AGMO: variants seen among roughly 807,000 people sequenced by gnomAD.
The protein encoded by AGMO is alkylglycerol monooxygenase.
AGMO carries 75 observed loss-of-function variants against 60.2 expected under a neutral mutation model. The ratio of observed to expected loss-of-function variants is 1.25; its 90% CI spans 1.03 to 1.51. The LOEUF is 1.51. AGMO is among the 40% of genes most tolerant of loss of function. AGMO has a pLI of 0.00. For synonymous variants in AGMO, 261 were observed against 177.1 expected, an observed-to-expected ratio of 1.47 and a Z score of -3.76; for missense variants, 763 against 525.5, an observed-to-expected ratio of 1.45 and a Z score of -4.42.
intron 12 of AGMO, among the ~76,000 whole-genome samples, chr7:15,253,500 C>A (rs1783002091): frequency 6.6e-6 from 1 of 151,984 alleles, no homozygotes; most frequent in Non-Finnish European, 1.5e-5. Flanking sequence ...GGTGCAGGGC[C>A]AGCTTGCATT....
chr7:15,430,064 A>G (rs1781183566), intron 4 of AGMO, among the ~76,000 whole-genome samples: 1 of 151,962 alleles, frequency 6.6e-6, no homozygotes, highest in South Asian at 2.1e-4. Flanking sequence ...ACTATTTTAA[A>G]ATAAGAGCAA....
intron 2 of AGMO, among the ~76,000 whole-genome samples, chr7:15,558,070 A>G (rs117455279): frequency 0.021 from 3,209 of 151,096 alleles, 62 homozygotes; most frequent in South Asian, 0.089. Flanking sequence ...TTGTAAAAAT[A>G]TCTCTTTTAT....
At chr7:15,149,394 C>T in the AGMO span, among the ~76,000 whole-genome samples, 48 of 152,204 alleles carry the variant, frequency 3.2e-4, no homozygotes, top group African/African-American at 1.1e-3. Flanking sequence ...CTTGCCAAGG[C>T]CTACATCCAC....
At chr7:15,355,635 G>C (rs1312277319) in intron 12 of AGMO, among the ~76,000 whole-genome samples, 1 of 151,940 alleles carries the variant, frequency 6.6e-6, no homozygotes, top group Non-Finnish European at 1.5e-5. Context: ...GAAACTGGTT[G>C]TTAGAGGAGG....
intron 5 of AGMO, chr7:15,396,482 G>C (rs1167133651): frequency 6.6e-6 from 1 of 152,210 alleles, no homozygotes; most frequent in Non-Finnish European, 1.5e-5. Context: ...TCATAAACGT[G>C]GCAGGGACCC....
At chr7:15,379,256 T>A (rs1453036932) in intron 10 of AGMO, among the ~76,000 whole-genome samples, 1 of 151,616 alleles carries the variant, frequency 6.6e-6, no homozygotes, top group African/African-American at 2.4e-5. Flanking sequence ...CACAAGACAA[T>A]AACCAAAATC....
chr7:15,152,490 A>G, the AGMO span, among the ~76,000 whole-genome samples: 1 of 151,578 alleles, frequency 6.6e-6, no homozygotes, highest in South Asian at 2.1e-4. Context: ...TTGTCTCTCA[A>G]CCCCCTCCCA....
At chr7:15,354,425 CACACGT>C (rs1202432778) in intron 12 of AGMO, among the ~76,000 whole-genome samples, 1,111 of 23,140 alleles carry the variant, frequency 0.048, 113 homozygotes, top group African/African-American at 0.16. Context: ...TGTGTATACA[CACACGT>C]GTGTGTATAC....
At chr7:15,465,115 ACT>A (rs1782245102) in intron 3 of AGMO, among the ~76,000 whole-genome samples, 1 of 151,830 alleles carries the variant, frequency 6.6e-6, no homozygotes, top group Non-Finnish European at 1.5e-5. Flanking sequence ...AAAAGTCTTT[ACT>A]CTGTGTGTTC....
chr7:15,364,729 T>A (rs1355381482), intron 12 of AGMO, among the ~76,000 whole-genome samples: 1 of 152,074 alleles, frequency 6.6e-6, no homozygotes, highest in Admixed American at 6.6e-5. Context: ...CAATTCATAA[T>A]CAATATTAAA....
intron 12 of AGMO, among the ~76,000 whole-genome samples, chr7:15,364,787 G>T (rs1174174731): frequency 6.6e-6 from 1 of 151,976 alleles, no homozygotes; most frequent in African/African-American, 2.4e-5. Flanking sequence ...AAGAGCGGGG[G>T]ATATTAGTAT....
At chr7:15,131,513 T>C in the AGMO span, among the ~76,000 whole-genome samples, 1 of 152,042 alleles carries the variant, frequency 6.6e-6, no homozygotes, top group African/African-American at 2.4e-5. Flanking sequence ...TTGAAATCAT[T>C]TCTGCCTAGA....
At chr7:15,219,924 T>C (rs887579310) in intron 12 of AGMO, among the ~76,000 whole-genome samples, 6 of 152,128 alleles carry the variant, frequency 3.9e-5, no homozygotes, top group Admixed American at 1.3e-4. Context: ...GCTTATTACA[T>C]GTTTCCTGCA....
chr7:15,145,736 T>C, the AGMO span, among the ~76,000 whole-genome samples: 1 of 152,180 alleles, frequency 6.6e-6, no homozygotes, highest in Non-Finnish European at 1.5e-5. Flanking sequence ...ATAAAGATTA[T>C]TACCCGTAGG....
intron 12 of AGMO, among the ~76,000 whole-genome samples, chr7:15,288,129 T>C (rs1485531749): frequency 6.6e-6 from 1 of 152,072 alleles, no homozygotes; most frequent in East Asian, 1.9e-4. Context: ...GTTCACACCA[T>C]TCTCCTGCCT....
chr7:15,522,040 C>T (rs577037585), intron 3 of AGMO, among the ~76,000 whole-genome samples: 105 of 152,122 alleles, frequency 6.9e-4, no homozygotes, highest in African/African-American at 2.3e-3. Context: ...CACAAGCCTC[C>T]GTATACAAAC....
chr7:15,475,976 A>T (rs1344690005), intron 3 of AGMO, among the ~76,000 whole-genome samples: 1 of 152,112 alleles, frequency 6.6e-6, no homozygotes, highest in African/African-American at 2.4e-5. Flanking sequence ...GTAATAGAGC[A>T]TCAGCAATGC....
chr7:15,119,034 G>T, the AGMO span, among the ~76,000 whole-genome samples: 1 of 150,832 alleles, frequency 6.6e-6, no homozygotes, highest in African/African-American at 2.4e-5. Flanking sequence ...AGATATGAGT[G>T]GAAAATTGAT....
At chr7:15,384,815 CTCTTTTT>C (rs1027135471) in intron 10 of AGMO, among the ~76,000 whole-genome samples, 3 of 60,778 alleles carry the variant, frequency 4.9e-5, no homozygotes, top group African/African-American at 1.9e-4. Flanking sequence ...ACCTGTTTTT[CTCTTTTT>C]TTTTTTTTTT....
Sources: allele counts gnomAD v4.1 joint callset (sites outside exome capture counted in the v4.1 genomes callset), GRCh38; gene constraint gnomAD v4.1.1; transcripts MANE v1.5; gene names NCBI Gene and HGNC (gene_info 2026-07-23, HGNC 2026-07-21).